The following DIAPH3 variants were observed in gnomAD, a reference collection of about 807,000 sequenced individuals.
DIAPH3 encodes diaphanous related formin 3.
In DIAPH3, 117 loss-of-function variants were observed where a neutral mutation model predicts 144.3. The ratio of observed to expected loss-of-function variants is 0.81; its 90% CI spans 0.70 to 0.95. DIAPH3 has a LOEUF of 0.95. DIAPH3 is among the 40% of genes least tolerant of loss of function. The pLI, the probability that DIAPH3 is intolerant of heterozygous loss-of-function variation, is 0.00. For missense variants in DIAPH3, 1,421 were observed against 1,412.7 expected (o/e 1.01, Z -0.09); for synonymous variants, 519 against 488.9 (o/e 1.06, Z -0.81).
At chr13:60,014,482 A>T (rs1279322518) in intron 7 of DIAPH3, among the ~76,000 whole-genome samples, 1 of 152,170 alleles carries the variant, frequency 6.6e-6, no homozygotes, top group Non-Finnish European at 1.5e-5. Flanking sequence ...AAAATATTTC[A>T]TTGGTTAAAA....
chr13:59,904,316 T>C (rs2046613719), intron 20 of DIAPH3, among the ~76,000 whole-genome samples: 1 of 152,220 alleles, frequency 6.6e-6, no homozygotes, highest in African/African-American at 2.4e-5. Flanking sequence ...AATGGGTATC[T>C]TCATTATCTT....
chr13:59,734,995 G>A (rs2139005819), intron 27 of DIAPH3, among the ~76,000 whole-genome samples: 1 of 152,166 alleles, frequency 6.6e-6, no homozygotes, highest in East Asian at 1.9e-4. Context: ...TCTGAAATCT[G>A]TGACTTTTAT....
At chr13:60,013,640 A>G (rs1213096501) in intron 7 of DIAPH3, among the ~76,000 whole-genome samples, 1 of 152,242 alleles carries the variant, frequency 6.6e-6, no homozygotes. Context: ...ATGTAATGTT[A>G]TCAAATTTGC....
chr13:59,727,958 T>C (rs2035689629), intron 27 of DIAPH3, among the ~76,000 whole-genome samples: 1 of 151,936 alleles, frequency 6.6e-6, no homozygotes, highest in Non-Finnish European at 1.5e-5. Flanking sequence ...AAAGTCAAAA[T>C]GGGCCTGGGA....
chr13:59,902,737 C>T (rs1235134263), intron 20 of DIAPH3, among the ~76,000 whole-genome samples: 2 of 152,128 alleles, frequency 1.3e-5, no homozygotes, highest in African/African-American at 4.8e-5. Flanking sequence ...GATTGTGCCA[C>T]TGTACTTCAG....
rs577099706 is a variant in DIAPH3, at chr13:59,687,802, C to T, written c.3320-20956G>A. Among the ~76,000 whole-genome samples the T allele has an allele frequency of 1.7e-3, 261 of 152,088 alleles. 2 individuals are homozygous for T. The highest frequency in any genetic ancestry group is 1.9e-3 in the Non-Finnish European group (130 of 67,938). ...GAAGTACAGGCAGGACAACCACATGCCATTATTACCCACTGGGAATTGCTG... is the reference window on the plus strand; with the variant it reads ...GAAGTACAGGCAGGACAACCACATGTCATTATTACCCACTGGGAATTGCTG... On this transcript the variant is annotated intron_variant, in intron 27 of 27. Coordinates refer to ENST00000400324, the MANE Select transcript of DIAPH3 (RefSeq NM_001042517.2).
At chr13:59,980,743 T>A in intron 14 of DIAPH3, 52 bp downstream of exon 14, 2 of 1,484,810 alleles carry the variant, frequency 1.3e-6, no homozygotes, top group Non-Finnish European at 1.9e-6. Flanking sequence ...GGCAGAAGCA[T>A]GCCTGCAGTG....
At chr13:59,940,288 T>A (rs906825192) in intron 17 of DIAPH3, among the ~76,000 whole-genome samples, 14 of 152,180 alleles carry the variant, frequency 9.2e-5, no homozygotes, top group Non-Finnish European at 4.4e-5. Flanking sequence ...AGAATTAACA[T>A]CTTAGTGAAG....
intron 20 of DIAPH3, among the ~76,000 whole-genome samples, chr13:59,881,458 A>G (rs748208614): frequency 6.6e-6 from 1 of 152,188 alleles, no homozygotes; most frequent in African/African-American, 2.4e-5. Flanking sequence ...TATGCAAAAC[A>G]TTTGTATTAC....
At chr13:59,893,058 C>T (rs1349647968) in intron 20 of DIAPH3, among the ~76,000 whole-genome samples, 1 of 152,034 alleles carries the variant, frequency 6.6e-6, no homozygotes, top group East Asian at 1.9e-4. Context: ...TCAGTAGCTG[C>T]TATGTGAAAA....
intron 27 of DIAPH3, among the ~76,000 whole-genome samples, chr13:59,699,522 T>C (rs2033989788): frequency 6.6e-6 from 1 of 152,238 alleles, no homozygotes; most frequent in South Asian, 2.1e-4. Flanking sequence ...TTTATTTCCC[T>C]GTGTCCCACC....
At chr13:59,690,460 T>C (rs1195712608) in intron 27 of DIAPH3, among the ~76,000 whole-genome samples, 2 of 152,176 alleles carry the variant, frequency 1.3e-5, no homozygotes, top group East Asian at 3.8e-4. Context: ...CTAGACTGCA[T>C]TTTCTATACA....
chr13:59,872,259 A>C (rs1368588185), intron 21 of DIAPH3, among the ~76,000 whole-genome samples: 4 of 152,196 alleles, frequency 2.6e-5, no homozygotes, highest in Admixed American at 6.5e-5. Context: ...ACAAAACTTT[A>C]TAAGTTGTAT....
chr13:59,953,898 T>A (rs1287700885), intron 17 of DIAPH3, among the ~76,000 whole-genome samples: 2 of 152,222 alleles, frequency 1.3e-5, no homozygotes, highest in African/African-American at 4.8e-5. Flanking sequence ...ATTTGGAAGC[T>A]ATTTTTTTAA....
At chr13:59,868,555 C>T (rs1293019959) in intron 21 of DIAPH3, among the ~76,000 whole-genome samples, 1 of 152,064 alleles carries the variant, frequency 6.6e-6, no homozygotes, top group Non-Finnish European at 1.5e-5. Context: ...AGTAATGTAC[C>T]AGTATTGACA....
intron 7 of DIAPH3, 84 bp from the exon 8 acceptor site, chr13:60,010,753 A>G (rs2053192604): frequency 7.3e-7 from 1 of 1,362,980 alleles, no homozygotes; most frequent in South Asian, 1.3e-5. Flanking sequence ...TTATTAAAAA[A>G]AATTTATAGG....
chr13:59,730,076 T>G (rs1347667050), intron 27 of DIAPH3, among the ~76,000 whole-genome samples: 2 of 152,264 alleles, frequency 1.3e-5, no homozygotes. Flanking sequence ...TTTTATCTGG[T>G]CAGCATACTT....
intron 17 of DIAPH3, among the ~76,000 whole-genome samples, chr13:59,932,249 T>C (rs1196034104): frequency 2.0e-5 from 3 of 152,148 alleles, no homozygotes; most frequent in Non-Finnish European, 2.9e-5. Context: ...TTTCGTAGTC[T>C]ACCTAAAGAA....
intron 2 of DIAPH3, among the ~76,000 whole-genome samples, chr13:60,129,978 C>G (rs1162318280): frequency 1.3e-5 from 2 of 152,140 alleles, no homozygotes; most frequent in Admixed American, 1.3e-4. Context: ...ACGGACAGAA[C>G]TGAATGCAGC....
Sources: gnomAD v4.1 joint callset for allele counts (sites outside exome capture counted in the v4.1 genomes callset) on GRCh38, gnomAD v4.1.1 for gene constraint, MANE v1.5 for transcripts, NCBI Gene and HGNC (gene_info 2026-07-23, HGNC 2026-07-21) for gene names.